Variants in RRBP1 observed in about 807,000 individuals in gnomAD.
The protein encoded by RRBP1 is ribosome-binding protein 1.
Under a neutral mutation model 165.2 loss-of-function variants are expected in RRBP1, and 94 were observed. The ratio of observed to expected loss-of-function variants is 0.57; its 90% CI spans 0.48 to 0.68. RRBP1 has a LOEUF of 0.68. RRBP1 is among the 30% of genes least tolerant of loss of function. The pLI is 0.00. For missense variants in RRBP1, 1,676 were observed against 1,763.0 expected (o/e 0.95, Z 0.88); for synonymous variants, 680 against 714.5 (o/e 0.95, Z 0.77).
At chr20:17,639,900 A>T (rs1205582938) in intron 5 of RRBP1, among the ~76,000 whole-genome samples, 3 of 151,878 alleles carry the variant, frequency 2.0e-5, no homozygotes, top group Admixed American at 2.0e-4. Flanking sequence ...GTCTCAAAAA[A>T]AAAAAAAAAA....
Position 17,662,690 on chromosome 20 carries a change from TA to T in RRBP1, c.-21-2163del, listed in dbSNP as rs540102432. Among the ~76,000 whole-genome samples the T allele has an allele frequency of 9.5e-4, 145 of 152,076 alleles. 1 individual carries two copies. The highest frequency in any genetic ancestry group is 3.4e-3 in the African/African-American group (141 of 41,468). On this transcript the variant is annotated intron_variant, in intron 2 of 24. Transcript: ENST00000377813. ...GAGAACACACTCTCAAGCTGGGTGT[TA>T]AAAAGGAAATCGCACCCTGCTCAGC...
At chr20:17,680,991 G>C (rs964449220) in intron 1 of RRBP1, among the ~76,000 whole-genome samples, 1 of 152,072 alleles carries the variant, frequency 6.6e-6, no homozygotes, top group African/African-American at 2.4e-5. Context: ...GCTAAAACTC[G>C]CGACTTATCA....
At chr20:17,619,463 A>T in intron 19 of RRBP1, 170 bp downstream of exon 19, 1 of 516,310 alleles carries the variant, frequency 1.9e-6, no homozygotes, top group Non-Finnish European at 3.4e-6. Flanking sequence ...GAGACACCTC[A>T]GGCCTGACAG....
rs146429123 is a variant in RRBP1 at position 17,624,578 on chromosome 20, T to C, written c.3145A>G (p.Lys1049Glu). 5.5e-5 allele frequency: 87 copies of C among 1,588,442 alleles called. No homozygotes were observed. Among genetic ancestry groups the C allele is most frequent in the Non-Finnish European group, 7.2e-5 (84 of 1,166,844 alleles). Residue 1049 changes from lysine to glutamate, a missense_variant and splice_region_variant, in exon 13 of 25, where the codon AAG (lysine) becomes GAG (glutamate). Coordinates refer to ENST00000377813, the MANE Select transcript of RRBP1 (RefSeq NM_001365613.2). ...TGTGAGTGTGGTCGGGCTCTGACCT[T>C]GGCCTGGGTCAGGGAGAGCAGCTTC... Reference protein sequence around the residue: ...KEKLLSLTQAKEESEKQLCLI... With the variant: ...KEKLLSLTQAEEESEKQLCLI...
intron 2 of RRBP1, among the ~76,000 whole-genome samples, chr20:17,665,976 C>T (rs2036860593): frequency 6.6e-6 from 1 of 152,128 alleles, no homozygotes; most frequent in Non-Finnish European, 1.5e-5. Context: ...ACTCAGATGG[C>T]CATTTCTGTG....
chr20:17,656,192 TTTCC>T (rs2036642514), intron 3 of RRBP1, among the ~76,000 whole-genome samples: 1 of 152,206 alleles, frequency 6.6e-6, no homozygotes, highest in African/African-American at 2.4e-5. Flanking sequence ...AAGAAAGAAC[TTTCC>T]CCATGTTTTC....
intron 4 of RRBP1, among the ~76,000 whole-genome samples, chr20:17,642,577 T>G (rs534883637): frequency 6.6e-6 from 1 of 152,270 alleles, no homozygotes; most frequent in Non-Finnish European, 1.5e-5. Context: ...AGGCACGAGA[T>G]AGCTCAGAAC....
chr20:17,656,809 A>T (rs552377801), intron 3 of RRBP1, among the ~76,000 whole-genome samples: 338 of 152,308 alleles, frequency 2.2e-3, no homozygotes, highest in African/African-American at 7.1e-3. Flanking sequence ...TTAACTTGAA[A>T]ATTACTATCC....
intron 23 of RRBP1, 42 bp downstream of exon 23, chr20:17,615,389 G>T: frequency 6.6e-7 from 1 of 1,509,330 alleles, no homozygotes; most frequent in Admixed American, 1.9e-5. Flanking sequence ...CAGCCCCAGA[G>T]CAGACCCTCC....
intron 20 of RRBP1, among the ~76,000 whole-genome samples, chr20:17,617,653 GC>G (rs1282927150): frequency 2.6e-5 from 4 of 152,246 alleles, no homozygotes; most frequent in African/African-American, 9.6e-5. Flanking sequence ...TCAGTGAGTG[GC>G]CCCTAGACAC....
chr20:17,672,161 T>C (rs1250065756), intron 2 of RRBP1, among the ~76,000 whole-genome samples: 1 of 152,230 alleles, frequency 6.6e-6, no homozygotes, highest in African/African-American at 2.4e-5. Flanking sequence ...TAGAAACACA[T>C]GGGCCAGAGC....
intron 2 of RRBP1, among the ~76,000 whole-genome samples, chr20:17,672,046 G>A (rs1383839971): frequency 2.0e-5 from 3 of 152,170 alleles, no homozygotes; most frequent in Non-Finnish European, 2.9e-5. Flanking sequence ...TACCAACTCT[G>A]GACCTGGATA....
intron 2 of RRBP1, among the ~76,000 whole-genome samples, chr20:17,668,314 T>C (rs2036907952): frequency 6.6e-6 from 1 of 152,250 alleles, no homozygotes; most frequent in Non-Finnish European, 1.5e-5. Flanking sequence ...AGCTCTATAA[T>C]CAGTCCTTCG....
chr20:17,633,834 T>C (rs1361841276), intron 7 of RRBP1, among the ~76,000 whole-genome samples: 9 of 152,246 alleles, frequency 5.9e-5, no homozygotes, highest in Non-Finnish European at 1.2e-4. Flanking sequence ...AGAGACAGCA[T>C]AGAGCAAATG....
chr20:17,629,737 A>T, intron 9 of RRBP1, 86 bp downstream of exon 9: 1 of 1,396,388 alleles, frequency 7.2e-7, no homozygotes, highest in Non-Finnish European at 9.8e-7. Context: ...TAACCCACTG[A>T]GTTCTGGCAC....
At chr20:17,626,809 C>T (rs1203038472) in intron 11 of RRBP1, among the ~76,000 whole-genome samples, 3 of 152,180 alleles carry the variant, frequency 2.0e-5, no homozygotes, top group East Asian at 1.9e-4. Context: ...CATGGCCTGG[C>T]GCTGGTGCTG....
intron 19 of RRBP1, chr20:17,619,086 C>CT (rs11300437): frequency 0.023 from 3,676 of 160,112 alleles, 149 homozygotes; most frequent in African/African-American, 0.09. Flanking sequence ...GTGTGCCTGG[C>CT]TTTTTTTTTT....
chr20:17,636,790 AG>A (rs2036256758), intron 5 of RRBP1, 61 bp from the exon 6 acceptor site: 1 of 1,594,918 alleles, frequency 6.3e-7, no homozygotes, highest in Non-Finnish European at 8.5e-7. Context: ...GCCTATCAGA[AG>A]GGAGCAAGAG....
intron 3 of RRBP1, among the ~76,000 whole-genome samples, chr20:17,647,531 G>A (rs1248696532): frequency 6.6e-6 from 1 of 152,204 alleles, no homozygotes; most frequent in Non-Finnish European, 1.5e-5. Flanking sequence ...AGGGGGATGC[G>A]GCTGGAAGCA....
Sources: gnomAD v4.1 joint callset for allele counts (sites outside exome capture counted in the v4.1 genomes callset) on GRCh38, gnomAD v4.1.1 for gene constraint, MANE v1.5 for transcripts, NCBI Gene and HGNC (gene_info 2026-07-23, HGNC 2026-07-21) for gene names.